The following MACROD1 variants were observed in gnomAD, a reference collection of about 807,000 sequenced individuals.
MACROD1 encodes the protein mono-ADP ribosylhydrolase 1, also known as ADP-ribose glycohydrolase MACROD1.
Under a neutral mutation model 41.4 loss-of-function variants are expected in MACROD1, and 31 were observed. The observed-to-expected ratio is 0.75, with a 90% CI of 0.56 to 1.01. MACROD1 has a LOEUF of 1.01. MACROD1 is among the 50% of genes least tolerant of loss of function. The pLI, the probability that MACROD1 is intolerant of heterozygous loss-of-function variation, is 0.00. For synonymous variants in MACROD1, 252 were observed against 203.4 expected (o/e 1.24, Z -2.03); for missense variants, 473 against 460.0 (o/e 1.03, Z -0.26).
At chr11:64,044,151 C>G (rs1943540786) in intron 3 of MACROD1, among the ~76,000 whole-genome samples, 1 of 152,086 alleles carries the variant, frequency 6.6e-6, no homozygotes, top group African/African-American at 2.4e-5. Flanking sequence ...GCTCGTAACC[C>G]CCTCAGCCTA....
chr11:64,117,415 C>T lies in MACROD1; in HGVS notation c.517+33824G>A, dbSNP rs558763991. 9 of 1,612,294 alleles carry T rather than the reference C, an allele frequency of 5.6e-6. No individual in the cohort carries two copies. The East Asian group carries it at 1.3e-4, about 24-fold the overall frequency. On this transcript the variant is annotated intron_variant, in intron 3 of 10. Coordinates refer to ENST00000255681, the MANE Select transcript of MACROD1 (RefSeq NM_014067.4). ...ATGGACGAGTGTTTTGAGACGGGGC[C>T]GCAGGGCGGCGTGGCCAATGCGGCT...
intron 3 of MACROD1, among the ~76,000 whole-genome samples, chr11:64,032,540 G>T (rs1428945212): frequency 1.3e-5 from 2 of 152,178 alleles, no homozygotes; most frequent in African/African-American, 2.4e-5. Flanking sequence ...CCACCAGGCT[G>T]TGTGGGTTAC....
intron 3 of MACROD1, among the ~76,000 whole-genome samples, chr11:64,132,141 G>A (rs949834138): frequency 6.6e-6 from 1 of 152,034 alleles, no homozygotes; most frequent in African/African-American, 2.4e-5. Flanking sequence ...GGGAGCTGGG[G>A]ACAAGGGGAC....
chr11:64,144,954 C>T (rs1287154760), intron 3 of MACROD1, among the ~76,000 whole-genome samples: 2 of 152,224 alleles, frequency 1.3e-5, no homozygotes. Flanking sequence ...CCAAGCAGTG[C>T]CCAGGGACAG....
intron 3 of MACROD1, among the ~76,000 whole-genome samples, chr11:64,043,569 G>C (rs1227681457): frequency 1.3e-5 from 2 of 152,216 alleles, no homozygotes; most frequent in Non-Finnish European, 1.5e-5. Context: ...GGAAGGGCAA[G>C]AGGTCAAATC....
At chr11:64,068,758 A>G (rs1015080232) in intron 3 of MACROD1, among the ~76,000 whole-genome samples, 2 of 152,234 alleles carry the variant, frequency 1.3e-5, no homozygotes, top group African/African-American at 4.8e-5. Context: ...GGGAGCCCAG[A>G]TAATGGGCTC....
At chr11:64,048,569 G>A (rs916360103) in intron 3 of MACROD1, among the ~76,000 whole-genome samples, 1 of 152,176 alleles carries the variant, frequency 6.6e-6, no homozygotes, top group East Asian at 1.9e-4. Context: ...AAGCAGGATG[G>A]TTAATAACAG....
At chr11:64,075,048 CA>C (rs1285658577) in intron 3 of MACROD1, among the ~76,000 whole-genome samples, 1 of 152,236 alleles carries the variant, frequency 6.6e-6, no homozygotes, top group Non-Finnish European at 1.5e-5. Context: ...TGTGTGCGGA[CA>C]GGGGGTTCTG....
chr11:64,011,061 T>G (rs1239399828), intron 4 of MACROD1, among the ~76,000 whole-genome samples: 1 of 147,168 alleles, frequency 6.8e-6, no homozygotes, highest in Non-Finnish European at 1.5e-5. Flanking sequence ...GGCTGGCATG[T>G]TGGTTGGGGT....
chr11:64,024,321 C>T (rs995742211), intron 3 of MACROD1, among the ~76,000 whole-genome samples: 5 of 152,234 alleles, frequency 3.3e-5, no homozygotes, highest in African/African-American at 1.2e-4. Flanking sequence ...CAAGTATTTC[C>T]AGTGGCTTCT....
chr11:64,033,819 C>T (rs1047916596), intron 3 of MACROD1, among the ~76,000 whole-genome samples: 46 of 151,834 alleles, frequency 3.0e-4, no homozygotes, highest in African/African-American at 9.0e-4. Context: ...CCAGCCTGGG[C>T]GACAAGAGTG....
At chr11:64,118,436 G>A in intron 3 of MACROD1, 1 of 1,018,636 alleles carries the variant, frequency 9.8e-7, no homozygotes, top group Non-Finnish European at 1.4e-6. Flanking sequence ...AGTTTGGGGA[G>A]GGCTGACGAT....
At chr11:64,058,821 C>T (rs974137052) in intron 3 of MACROD1, among the ~76,000 whole-genome samples, 2 of 152,222 alleles carry the variant, frequency 1.3e-5, no homozygotes, top group East Asian at 1.9e-4. Flanking sequence ...GGTGGGAGGG[C>T]GTGAAGAGGG....
At chr11:64,086,130 G>A (rs1474040626) in intron 3 of MACROD1, among the ~76,000 whole-genome samples, 1 of 152,180 alleles carries the variant, frequency 6.6e-6, no homozygotes, top group Admixed American at 6.5e-5. Flanking sequence ...GGTGGGGTGG[G>A]TGGCTGCGCA....
At chr11:64,083,994 C>T (rs1184032729) in intron 3 of MACROD1, among the ~76,000 whole-genome samples, 1 of 68,674 alleles carries the variant, frequency 1.5e-5, no homozygotes, top group Non-Finnish European at 3.6e-5. Flanking sequence ...AACTGGAACA[C>T]GTGCTGGGTT....
At chr11:64,132,443 G>C (rs1945278870) in intron 3 of MACROD1, among the ~76,000 whole-genome samples, 1 of 133,766 alleles carries the variant, frequency 7.5e-6, no homozygotes, top group South Asian at 2.9e-4. Flanking sequence ...GGTGGGGCGG[G>C]GGGAGGGGAA....
chr11:64,048,309 G>A (rs1943624548), intron 3 of MACROD1, among the ~76,000 whole-genome samples: 1 of 152,238 alleles, frequency 6.6e-6, no homozygotes, highest in South Asian at 2.1e-4. Flanking sequence ...GGTGCAGACA[G>A]AGCCCAGCCT....
intron 3 of MACROD1, among the ~76,000 whole-genome samples, chr11:64,028,455 G>A (rs1455376472): frequency 6.6e-6 from 1 of 152,252 alleles, no homozygotes; most frequent in Admixed American, 6.5e-5. Flanking sequence ...GAGGGAAAAC[G>A]GTGGAGGGAG....
intron 3 of MACROD1, among the ~76,000 whole-genome samples, chr11:64,110,643 T>C (rs1944844936): frequency 6.6e-6 from 1 of 151,698 alleles, no homozygotes; most frequent in African/African-American, 2.4e-5. Flanking sequence ...ATCCCACTGC[T>C]CCCTTCGCCC....
Sources: allele counts gnomAD v4.1 joint callset (sites outside exome capture counted in the v4.1 genomes callset), GRCh38; gene constraint gnomAD v4.1.1; transcripts MANE v1.5; gene names NCBI Gene and HGNC (gene_info 2026-07-23, HGNC 2026-07-21).